The following RNF6 variants were observed in gnomAD, a reference collection of about 807,000 sequenced individuals.
RNF6 encodes the protein E3 ubiquitin-protein ligase RNF6.
In RNF6, 21 loss-of-function variants were observed where a neutral mutation model predicts 50.1. That is an observed-to-expected ratio of 0.42 (90% confidence interval 0.30 to 0.60). The LOEUF (loss-of-function observed/expected upper bound fraction) is 0.60. Ranked by LOEUF, RNF6 falls within the 20% of genes least tolerant of loss-of-function variation. The pLI, the probability that RNF6 is intolerant of heterozygous loss-of-function variation, is 0.20. For synonymous variants in RNF6, 255 were observed against 291.8 expected (o/e 0.87, Z 1.29); for missense variants, 698 against 838.2 (o/e 0.83, Z 2.07).
At chr13:26,176,472 A>C (rs1248324444) in intron 5 of RNF6, among the ~76,000 whole-genome samples, 1 of 152,200 alleles carries the variant, frequency 6.6e-6, no homozygotes. Context: ...TCGTCTTTAA[A>C]GACTTTTTGG....
In RNF6 at chr13:26,214,845, C is replaced by T; in HGVS notation, c.1037G>A (p.Arg346Lys). 2.5e-6 allele frequency: 4 copies of T among 1,614,222 alleles called. No homozygotes were observed. Among genetic ancestry groups the T allele is most frequent in the Non-Finnish European group, 3.4e-6 (4 of 1,180,040 alleles). Residue 346 changes from arginine (R) to lysine (K), a missense_variant, in exon 5 of 5, where the codon AGA becomes AAA. By Grantham distance (26) the Arg-to-Lys change is conservative (BLOSUM62 2). Transcript: ENST00000381588. ...TTRRSVRRRG[R>K]TRVFLEQDRE... Reference sequence around the variant, plus strand: ...ATCTTGCTCTAAAAAGACTCGAGTTCTACCTCTCCTCCTAACAGATCTTCT... The same window carrying T: ...ATCTTGCTCTAAAAAGACTCGAGTTTTACCTCTCCTCCTAACAGATCTTCT...
intron 2 of RNF6, among the ~76,000 whole-genome samples, chr13:26,220,045 G>C (rs1208551268): frequency 6.6e-6 from 1 of 152,180 alleles, no homozygotes; most frequent in African/African-American, 2.4e-5. Context: ...TTTTAGGCTT[G>C]AATTATGCAC....
intron 5 of RNF6, among the ~76,000 whole-genome samples, chr13:26,138,354 G>A (rs763305576): frequency 7.2e-5 from 11 of 152,086 alleles, no homozygotes; most frequent in Admixed American, 4.6e-4. Flanking sequence ...AAATACTAAA[G>A]GGGGTTATTC....
intron 5 of RNF6, among the ~76,000 whole-genome samples, chr13:26,134,256 A>G (rs1329453624): frequency 6.6e-6 from 1 of 152,206 alleles, no homozygotes; most frequent in Non-Finnish European, 1.5e-5. Flanking sequence ...GGCAGAAATG[A>G]AAGTCCTGGC....
At chr13:26,138,378 AG>A (rs1379679996) in intron 5 of RNF6, among the ~76,000 whole-genome samples, 2 of 152,184 alleles carry the variant, frequency 1.3e-5, no homozygotes, top group Admixed American at 6.6e-5. Context: ...CTGAAATGAA[AG>A]GTTACTAAAC....
chr13:26,185,129 T>C (rs775664574), intron 5 of RNF6, among the ~76,000 whole-genome samples: 11 of 152,096 alleles, frequency 7.2e-5, no homozygotes, highest in African/African-American at 1.2e-4. Context: ...CCCAAGCAGC[T>C]GGGACAACAG....
intron 5 of RNF6, among the ~76,000 whole-genome samples, chr13:26,159,592 T>C (rs910569872): frequency 2.0e-5 from 3 of 151,902 alleles, no homozygotes; most frequent in Non-Finnish European, 2.9e-5. Context: ...GCTACTGCAC[T>C]CCAGCCTGGG....
intron 5 of RNF6, among the ~76,000 whole-genome samples, chr13:26,193,739 T>G (rs1184192564): frequency 2.6e-5 from 4 of 152,216 alleles, no homozygotes; most frequent in Non-Finnish European, 4.4e-5. Context: ...AAACTGTTGA[T>G]GCAGGAGACA....
At chr13:26,189,356 C>G (rs1873712467) in intron 5 of RNF6, among the ~76,000 whole-genome samples, 1 of 151,986 alleles carries the variant, frequency 6.6e-6, no homozygotes, top group South Asian at 2.1e-4. Flanking sequence ...TGTAATAGAT[C>G]GTTGGATGAA....
At chr13:26,201,226 C>G (rs977035959) in intron 5 of RNF6, among the ~76,000 whole-genome samples, 14 of 152,206 alleles carry the variant, frequency 9.2e-5, no homozygotes, top group African/African-American at 3.1e-4. Context: ...TACTAAGAAC[C>G]TAAAATGGTC....
At chr13:26,137,120 C>A (rs907238129) in intron 5 of RNF6, among the ~76,000 whole-genome samples, 27 of 152,118 alleles carry the variant, frequency 1.8e-4, no homozygotes, top group Non-Finnish European at 4.4e-5. Flanking sequence ...TGATGGTTCT[C>A]TAGAAGACTT....
At chr13:26,165,142 G>A (rs1195110778) in intron 5 of RNF6, among the ~76,000 whole-genome samples, 2 of 152,168 alleles carry the variant, frequency 1.3e-5, no homozygotes, top group South Asian at 2.1e-4. Context: ...CTGCATTCCA[G>A]CTGCCCCAGC....
At chr13:26,136,813 A>G (rs980227620) in intron 5 of RNF6, among the ~76,000 whole-genome samples, 1 of 152,164 alleles carries the variant, frequency 6.6e-6, no homozygotes, top group African/African-American at 2.4e-5. Context: ...CCTTTCCTCT[A>G]TAAAAAACAC....
chr13:26,161,316 C>T (rs987052281), intron 5 of RNF6, among the ~76,000 whole-genome samples: 2 of 152,076 alleles, frequency 1.3e-5, no homozygotes, highest in Non-Finnish European at 2.9e-5. Flanking sequence ...TTTAATCTTC[C>T]AGATATACTT....
rs1370769463 is a variant in RNF6 at position 26,148,640 on chromosome 13, A to C, written n.769-16189T>G. ...CAATAGTATAAATCTCTTTATATAT[A>C]TATATATATATATATATATATATAT... On this transcript the variant is annotated intron_variant and non_coding_transcript_variant, in intron 5 of 5. Transcript: ENST00000468480. 8.4e-4 allele frequency among the ~76,000 whole-genome samples: 81 copies of C among 96,330 alleles called. 1 individual carries two copies. Among genetic ancestry groups the C allele is most frequent in the African/African-American group, 2.7e-3 (81 of 29,954 alleles). The allele number at this position is 96,330 out of a possible 152,430, so 63.2% of individuals were successfully genotyped here.
In RNF6 at chr13:26,154,755, C is replaced by T. The variant is rs183571238; in HGVS notation, n.769-22304G>A. Among the ~76,000 whole-genome samples, 51 of 152,298 alleles carry T rather than the reference C, an allele frequency of 3.3e-4. No homozygotes were observed. In the Middle Eastern group the frequency reaches 0.014, roughly 41 times the overall value. Reference sequence around the variant, plus strand: ...ACTTACGACAAAACTCCCGGCTGGGCGTTGTGGCTCACACCTGTAATCCTA... The same window carrying T: ...ACTTACGACAAAACTCCCGGCTGGGTGTTGTGGCTCACACCTGTAATCCTA... On this transcript the variant is annotated intron_variant and non_coding_transcript_variant, in intron 5 of 5. Transcript: ENST00000468480.
chr13:26,181,604 T>A (rs1361858631), intron 5 of RNF6, among the ~76,000 whole-genome samples: 1 of 152,170 alleles, frequency 6.6e-6, no homozygotes, highest in Non-Finnish European at 1.5e-5. Flanking sequence ...GAGCTGTCAG[T>A]AAACCAAGCT....
chr13:26,147,744 G>A (rs1871324627), intron 5 of RNF6, among the ~76,000 whole-genome samples: 1 of 152,096 alleles, frequency 6.6e-6, no homozygotes, highest in Admixed American at 6.6e-5. Context: ...TAAGATTCTG[G>A]GTCTTATTTT....
At chr13:26,172,966 C>G (rs4316612) in intron 5 of RNF6, among the ~76,000 whole-genome samples, 128,932 of 152,172 alleles carry the variant, frequency 0.85, 56,117 homozygotes, top group East Asian at 1. Context: ...CAAAATATAT[C>G]AACAAAAGAT....
Sources: allele counts gnomAD v4.1 joint callset (sites outside exome capture counted in the v4.1 genomes callset), GRCh38; gene constraint gnomAD v4.1.1; transcripts MANE v1.5; gene names NCBI Gene and HGNC (gene_info 2026-07-23, HGNC 2026-07-21).